The following DIPK2B variants were observed in gnomAD, a reference collection of about 807,000 sequenced individuals.
DIPK2B encodes UPF0672 protein CXorf36.
In DIPK2B, 15 loss-of-function variants were observed where a neutral mutation model predicts 22.2. The observed-to-expected ratio is 0.68, with a 90% CI of 0.45 to 1.04. DIPK2B has a LOEUF of 1.04. Among genes scored for constraint, DIPK2B ranks in the 50% least tolerant of loss-of-function variants. DIPK2B has a pLI of 0.00. For synonymous variants in DIPK2B, 163 were observed against 153.2 expected, an observed-to-expected ratio of 1.06 and a Z score of -0.47; for missense variants, 345 against 348.3, an observed-to-expected ratio of 0.99 and a Z score of 0.08.
chrX:45,181,359 A>T (rs1228572401), intron 2 of DIPK2B, among the ~76,000 whole-genome samples: 1 of 112,173 alleles, frequency 8.9e-6, no homozygotes. Context: ...GTGGAAACTG[A>T]CTAAATGGCA....
At chrX:45,196,482 G>A (rs1026443037) in intron 1 of DIPK2B, among the ~76,000 whole-genome samples, 2 of 111,582 alleles carry the variant, frequency 1.8e-5, no homozygotes, top group African/African-American at 6.5e-5. Flanking sequence ...GAGAAGGGAA[G>A]GCAAAATCAG....
chrX:45,162,931 CA>C, intron 2 of DIPK2B: 3 of 754,025 alleles, frequency 4.0e-6, no homozygotes, highest in Non-Finnish European at 3.1e-6. Context: ...TTCTCTACCA[CA>C]ATCCTTAACA....
chrX:45,167,586 C>T (rs2047055897), intron 2 of DIPK2B, among the ~76,000 whole-genome samples: 1 of 105,690 alleles, frequency 9.5e-6, no homozygotes. Flanking sequence ...TACTAAAGGT[C>T]TTTCTGATTA....
chrX:45,200,024 C>T (rs1288978023), intron 1 of DIPK2B, among the ~76,000 whole-genome samples: 1 of 112,104 alleles, frequency 8.9e-6, no homozygotes, highest in South Asian at 3.7e-4. Flanking sequence ...GCTACTTATT[C>T]GGTGGTGACC....
At chrX:45,162,411 A>C (rs2047026674) in intron 2 of DIPK2B, 1 of 752,984 alleles carries the variant, frequency 1.3e-6, no homozygotes, top group African/African-American at 2.3e-5. Context: ...TAGCAGGAAC[A>C]GGCTTAAGAG....
chrX:45,189,538 G>A (rs922214181), intron 2 of DIPK2B, among the ~76,000 whole-genome samples: 2 of 111,694 alleles, frequency 1.8e-5, no homozygotes, highest in African/African-American at 3.3e-5. Context: ...ACTTGAACCT[G>A]GGAGGCAGAG....
rs557253235 is a variant in DIPK2B at position 45,177,101 on chromosome X, G to A, written c.498+14650C>T. Among the ~76,000 whole-genome samples the A allele has an allele frequency of 2.1e-4, 23 of 109,936 alleles. No individual in the cohort carries two copies. The South Asian group carries it at 8.5e-3, about 40-fold the overall frequency. On this transcript the variant is annotated intron_variant, in intron 2 of 4. Transcript: ENST00000398000. ...TTGCTTGATCTCAGGAGTTCGAGAT[G>A]AGCCTGGGCAACATGGCAAGACCCT...
intron 3 of DIPK2B, among the ~76,000 whole-genome samples, chrX:45,154,443 G>A (rs1183419585): frequency 2.7e-5 from 3 of 111,053 alleles, no homozygotes; most frequent in East Asian, 2.8e-4. Context: ...AGTACAGAAA[G>A]ATCAGCATCT....
At chrX:45,194,541 C>T (rs1027445519) in intron 1 of DIPK2B, among the ~76,000 whole-genome samples, 9 of 111,041 alleles carry the variant, frequency 8.1e-5, no homozygotes, top group African/African-American at 1.3e-4. Flanking sequence ...TGAGCCACCG[C>T]ACTTGGTCCC....
At chrX:45,176,727 A>G (rs995939989) in intron 2 of DIPK2B, among the ~76,000 whole-genome samples, 1 of 111,706 alleles carries the variant, frequency 9.0e-6, no homozygotes, top group African/African-American at 3.3e-5. Flanking sequence ...CCTTAGAAGC[A>G]CTTGGGCCAG....
At chrX:45,182,093 C>T (rs1431622090) in intron 2 of DIPK2B, among the ~76,000 whole-genome samples, 1 of 104,789 alleles carries the variant, frequency 9.5e-6, no homozygotes, top group Admixed American at 1.0e-4. Context: ...AAAAAAATAC[C>T]ATTAAGAGGG....
intron 2 of DIPK2B, chrX:45,163,992 T>C: frequency 5.2e-6 from 5 of 968,642 alleles, no homozygotes; most frequent in Non-Finnish European, 6.5e-6. Flanking sequence ...CATCAGAGAA[T>C]ATTGTGCAAA....
intron 2 of DIPK2B, among the ~76,000 whole-genome samples, chrX:45,176,129 T>A (rs1274695504): frequency 9.1e-6 from 1 of 110,423 alleles, no homozygotes; most frequent in African/African-American, 3.3e-5. Flanking sequence ...TGTGAGAGGT[T>A]GAAGTATTAA....
At chrX:45,185,555 C>G (rs1488132981) in intron 2 of DIPK2B, among the ~76,000 whole-genome samples, 1 of 110,683 alleles carries the variant, frequency 9.0e-6, no homozygotes, top group Non-Finnish European at 1.9e-5. Flanking sequence ...TCATGTCTAT[C>G]TTTCCCCTAG....
chrX:45,200,845 G>C lies in DIPK2B; in HGVS notation c.-19C>G. 8.8e-7 allele frequency: 1 copy of C among 1,138,917 alleles called. No individual in the cohort carries two copies. The highest frequency in any genetic ancestry group is 1.2e-6 in the Non-Finnish European group (1 of 849,319). The allele number at this position is 1,138,917 out of a possible 1,213,427, so 93.9% of individuals were successfully genotyped here. On this transcript the variant is annotated 5_prime_UTR_variant, in exon 1 of 5. Transcript: ENST00000398000. ...GCTCCATCTTGGGCTCTGGGCTCCA[G>C]CTGCAGCCTCTGGCTGTCCACTCGA... is the stretch of plus-strand genomic sequence containing the variant.
At chrX:45,160,780 G>A (rs1339013001) in intron 2 of DIPK2B, among the ~76,000 whole-genome samples, 1 of 111,971 alleles carries the variant, frequency 8.9e-6, no homozygotes, top group African/African-American at 3.2e-5. Flanking sequence ...ATCTAGAAGG[G>A]ATAGGGGACA....
chrX:45,169,097 T>C (rs1282686769), intron 2 of DIPK2B, among the ~76,000 whole-genome samples: 1 of 111,633 alleles, frequency 9.0e-6, no homozygotes, highest in East Asian at 2.8e-4. Context: ...CAGGATATTT[T>C]TGAGAGTGAA....
At chrX:45,175,764 T>A (rs1415467636) in intron 2 of DIPK2B, among the ~76,000 whole-genome samples, 2 of 103,548 alleles carry the variant, frequency 1.9e-5, no homozygotes, top group Admixed American at 1.0e-4. Context: ...TGAGTCCATA[T>A]CACTTTAATA....
intron 2 of DIPK2B, among the ~76,000 whole-genome samples, chrX:45,175,191 G>A (rs937086654): frequency 9.0e-6 from 1 of 111,701 alleles, no homozygotes; most frequent in African/African-American, 3.3e-5. Context: ...GTATGTGGTA[G>A]TTTTTTAAAG....
Sources: allele counts gnomAD v4.1 joint callset (sites outside exome capture counted in the v4.1 genomes callset), GRCh38; gene constraint gnomAD v4.1.1; transcripts MANE v1.5; gene names NCBI Gene and HGNC (gene_info 2026-07-23, HGNC 2026-07-21).